ARHGAP17: variants seen among roughly 807,000 people sequenced by gnomAD.
ARHGAP17 encodes Rho GTPase activating protein 17.
Under a neutral mutation model 99.5 loss-of-function variants are expected in ARHGAP17, and 57 were observed. The ratio of observed to expected loss-of-function variants is 0.57; its 90% CI spans 0.46 to 0.71. ARHGAP17 has a LOEUF of 0.71. ARHGAP17 is among the 30% of genes least tolerant of loss of function. The pLI, the probability that ARHGAP17 is intolerant of heterozygous loss-of-function variation, is 0.00. For synonymous variants in ARHGAP17, 417 were observed against 429.6 expected, an observed-to-expected ratio of 0.97 and a Z score of 0.36; for missense variants, 1,000 against 1,122.4, an observed-to-expected ratio of 0.89 and a Z score of 1.56.
At chr16:25,010,037 G>C (rs2053602690) in intron 1 of ARHGAP17, among the ~76,000 whole-genome samples, 1 of 151,928 alleles carries the variant, frequency 6.6e-6, no homozygotes, top group Non-Finnish European at 1.5e-5. Flanking sequence ...CCACTACTCA[G>C]TAACTGTGCA....
intron 4 of ARHGAP17, among the ~76,000 whole-genome samples, chr16:24,969,666 G>A (rs575651799): frequency 1.3e-5 from 2 of 152,292 alleles, no homozygotes; most frequent in South Asian, 4.1e-4. Flanking sequence ...GTATCACTCT[G>A]GTGTGATGAG....
intron 15 of ARHGAP17, 123 bp downstream of exon 15, chr16:24,943,648 A>T: frequency 1.3e-6 from 1 of 791,372 alleles, no homozygotes; most frequent in South Asian, 1.7e-5. Flanking sequence ...CTGGAAAGAA[A>T]CATGAAAAAG....
rs116447227 is a variant in ARHGAP17 at position 24,982,525 on chromosome 16, A to G, written c.54-3520T>C. ...CATGACTATGGAGTATAATACACAA[A>G]CTGGAATGGCTCCCTCACACAAAGA... On this transcript the variant is annotated intron_variant, in intron 1 of 19. Transcript: ENST00000289968. Among the ~76,000 whole-genome samples the G allele has an allele frequency of 4.5e-3, 678 of 152,312 alleles. 6 individuals are homozygous for G. The highest frequency in any genetic ancestry group is 0.015 in the African/African-American group (642 of 41,560).
intron 6 of ARHGAP17, among the ~76,000 whole-genome samples, chr16:24,965,801 T>TGTC (rs1183689298): frequency 2.6e-5 from 4 of 152,242 alleles, no homozygotes; most frequent in African/African-American, 9.6e-5. Context: ...CTTGTGGAAC[T>TGTC]GTCATAAGGA....
chr16:24,964,360 C>T, intron 6 of ARHGAP17, 52 bp from the exon 7 acceptor site: 1 of 1,230,860 alleles, frequency 8.1e-7, no homozygotes. Flanking sequence ...GTATACTCAA[C>T]AGCTGGAGGC....
At chr16:25,001,902 G>A (rs1040850403) in intron 1 of ARHGAP17, among the ~76,000 whole-genome samples, 23 of 152,200 alleles carry the variant, frequency 1.5e-4, no homozygotes, top group Middle Eastern at 3.4e-3. Flanking sequence ...TGACCAAAGC[G>A]AAACCCTGTC....
chr16:24,930,871 G>C lies in ARHGAP17; in HGVS notation c.2428C>G (p.Pro810Ala). The change falls in exon 19 of 20, where the codon CCC becomes GCC. Residue 810 changes from proline (P) to alanine (A), a missense_variant. Physicochemically the swap from Pro to Ala is conservative, Grantham distance 27 (BLOSUM62 -1). This residue lies in a region of ARHGAP17 where 528 missense variants were observed against 511.4 expected (regional missense o/e 1.03). Transcript: ENST00000289968. ...ACACCAGGAGGTTGGGGGGGTGGGG[G>C]CACGCTGGGCCGGTTCCTTGGCTTT... ...VPKPRNRPSV[P>A]PPPQPPGVHS... 6.2e-7 allele frequency: 1 copy of C among 1,613,904 alleles called. No homozygotes were observed. The highest frequency in any genetic ancestry group is 2.2e-5 in the East Asian group (1 of 44,868).
chr16:24,997,616 C>T (rs578189834), intron 1 of ARHGAP17, among the ~76,000 whole-genome samples: 6 of 152,184 alleles, frequency 3.9e-5, no homozygotes, highest in Admixed American at 3.9e-4. Flanking sequence ...ACAGCCCACA[C>T]TAAATAGTGG....
At chr16:24,961,911 T>TTATATATATATATATA (rs67952203) in intron 7 of ARHGAP17, among the ~76,000 whole-genome samples, 2,173 of 129,734 alleles carry the variant, frequency 0.017, 46 homozygotes, top group African/African-American at 0.045. Context: ...CATAGGAATT[T>TTATATATATATATATA]TATATATATA....
At chr16:24,947,645 G>C (rs376370887) in intron 13 of ARHGAP17, 50 bp from the exon 14 acceptor site, 303 of 1,492,332 alleles carry the variant, frequency 2.0e-4, no homozygotes, top group Non-Finnish European at 2.5e-4. Context: ...ATAGCTGCTG[G>C]AATGTTCTCT....
intron 19 of ARHGAP17, among the ~76,000 whole-genome samples, chr16:24,926,865 T>C (rs1367496798): frequency 6.6e-6 from 1 of 152,168 alleles, no homozygotes; most frequent in Non-Finnish European, 1.5e-5. Context: ...CCACCCCCAG[T>C]CTCCTGTGTT....
At chr16:25,015,133 G>A (rs2053750549) in intron 1 of ARHGAP17, 76 bp downstream of exon 1, 3 of 1,190,546 alleles carry the variant, frequency 2.5e-6, no homozygotes, top group Non-Finnish European at 3.1e-6. Flanking sequence ...GACCGCGGAG[G>A]AGCCGTCCCG....
At chr16:25,015,117 C>G in intron 1 of ARHGAP17, 92 bp downstream of exon 1, 3 of 1,149,396 alleles carry the variant, frequency 2.6e-6, no homozygotes, top group Non-Finnish European at 3.2e-6. Flanking sequence ...CAGCTCAGAG[C>G]CGCCGGACCG....
chr16:24,932,977 T>C (rs2051036764), intron 18 of ARHGAP17, among the ~76,000 whole-genome samples: 1 of 152,170 alleles, frequency 6.6e-6, no homozygotes, highest in Admixed American at 6.5e-5. Context: ...TTTATATAAA[T>C]TATCTCATTC....
At chr16:24,972,631 T>C (rs2052400202) in intron 3 of ARHGAP17, 1 of 152,186 alleles carries the variant, frequency 6.6e-6, no homozygotes, top group African/African-American at 2.4e-5. Context: ...GGAGGTTAAA[T>C]ACCTATTAAA....
At chr16:25,006,011 A>C (rs2053494949) in intron 1 of ARHGAP17, among the ~76,000 whole-genome samples, 1 of 152,202 alleles carries the variant, frequency 6.6e-6, no homozygotes, top group Non-Finnish European at 1.5e-5. Context: ...ATCATGAAAA[A>C]GTAATTTAGA....
chr16:24,953,723 G>A (rs2051716444), intron 10 of ARHGAP17, among the ~76,000 whole-genome samples: 2 of 152,168 alleles, frequency 1.3e-5, no homozygotes, highest in Admixed American at 1.3e-4. Context: ...ACAGCAGTGT[G>A]AGAATGGACG....
intron 1 of ARHGAP17, among the ~76,000 whole-genome samples, chr16:24,985,286 CA>C (rs2052829172): frequency 6.6e-6 from 1 of 152,236 alleles, no homozygotes; most frequent in Non-Finnish European, 1.5e-5. Flanking sequence ...CAAATCACCA[CA>C]AACTCAGTGG....
intron 13 of ARHGAP17, 121 bp from the exon 14 acceptor site, chr16:24,947,716 A>C: frequency 1.4e-6 from 1 of 737,632 alleles, no homozygotes. Context: ...TTCCTAAATC[A>C]GAATCTGGCT....
Sources: gnomAD v4.1 joint callset for allele counts (sites outside exome capture counted in the v4.1 genomes callset) on GRCh38, gnomAD v4.1.1 for gene constraint, gnomAD v4.1.1 regional missense constraint, MANE v1.5 for transcripts, NCBI Gene and HGNC (gene_info 2026-07-23, HGNC 2026-07-21) for gene names.